The following SLC22A25 variants were observed in gnomAD, a reference collection of about 807,000 sequenced individuals.
The protein encoded by SLC22A25 is MGI:2442751, MGI:2385316, MGI:3042283, MGI:3645714, MGI:3605624, MGI:2442750.
SLC22A25 carries 44 observed loss-of-function variants against 45.9 expected under a neutral mutation model. The ratio of observed to expected loss-of-function variants is 0.96; its 90% CI spans 0.75 to 1.23. The LOEUF (loss-of-function observed/expected upper bound fraction) is 1.23, where lower values mean the gene tolerates loss of function less well. Ranked by LOEUF, SLC22A25 falls within the 50% of genes most tolerant of loss-of-function variation. SLC22A25 has a pLI of 0.00. For missense variants in SLC22A25, 800 were observed against 666.4 expected, an observed-to-expected ratio of 1.20 and a Z score of -2.21; for synonymous variants, 283 against 238.6, an observed-to-expected ratio of 1.19 and a Z score of -1.72.
intron 7 of SLC22A25, among the ~76,000 whole-genome samples, chr11:63,189,827 AT>A (rs1803042269): frequency 6.6e-6 from 1 of 152,222 alleles, no homozygotes. Context: ...TGGATATGAA[AT>A]TCTGGGTTGA....
At chr11:63,228,871 T>G (rs1231699925) in intron 4 of SLC22A25, among the ~76,000 whole-genome samples, 2 of 152,226 alleles carry the variant, frequency 1.3e-5, no homozygotes, top group Non-Finnish European at 2.9e-5. Flanking sequence ...ACCCCTAGAC[T>G]TTCTCATATG....
At chr11:63,190,856 A>T (rs907545804) in intron 7 of SLC22A25, among the ~76,000 whole-genome samples, 7 of 152,206 alleles carry the variant, frequency 4.6e-5, no homozygotes, top group Non-Finnish European at 1.0e-4. Flanking sequence ...AGGCTGCAGA[A>T]CAGCGGATAT....
chr11:63,211,416 T>C (rs754637126), intron 7 of SLC22A25, among the ~76,000 whole-genome samples: 1 of 152,128 alleles, frequency 6.6e-6, no homozygotes, highest in Non-Finnish European at 1.5e-5. Context: ...TACACAATGT[T>C]GGGACAGATT....
chr11:63,163,702 C>G lies in SLC22A25; in HGVS notation c.*122G>C. Reference sequence around the variant, plus strand: ...GTGAGGCTCAGGGGATGTATGAGGTCACTGTGGAAGGGATGAGGATACACC... The same window carrying G: ...GTGAGGCTCAGGGGATGTATGAGGTGACTGTGGAAGGGATGAGGATACACC... On this transcript the variant is annotated 3_prime_UTR_variant, in exon 12 of 12. Coordinates refer to ENST00000306494, the MANE Select transcript of SLC22A25 (RefSeq NM_199352.6). 1 of 1,321,562 alleles carries G rather than the reference C, an allele frequency of 7.6e-7. No individual in the cohort carries two copies. The highest frequency in any genetic ancestry group is 1.0e-6 in the Non-Finnish European group (1 of 974,414). 81.9% of individuals were successfully genotyped at this position (1,321,562 alleles called of 1,614,324 possible).
chr11:63,171,176 C>T (rs574262282), intron 9 of SLC22A25, among the ~76,000 whole-genome samples: 3 of 152,238 alleles, frequency 2.0e-5, no homozygotes, highest in Non-Finnish European at 4.4e-5. Flanking sequence ...ATAATAAGAG[C>T]TATTTATGAC....
At chr11:63,242,367 A>G (rs2090263432) in intron 1 of SLC22A25, among the ~76,000 whole-genome samples, 1 of 152,194 alleles carries the variant, frequency 6.6e-6, no homozygotes, top group African/African-American at 2.4e-5. Flanking sequence ...GTCTTTATCA[A>G]GGGGCACTCG....
chr11:63,194,413 G>A (rs1042723695), intron 7 of SLC22A25, among the ~76,000 whole-genome samples: 4 of 149,782 alleles, frequency 2.7e-5, no homozygotes, highest in Admixed American at 1.3e-4. Context: ...ACAGAGAAAG[G>A]TCGGGTAAAG....
rs575934948 is a variant in SLC22A25 at position 63,188,482 on chromosome 11, T to G, written c.831-4665A>C. Among the ~76,000 whole-genome samples, 5 of 152,328 alleles carry G rather than the reference T, an allele frequency of 3.3e-5. No homozygotes were observed. The East Asian group carries it at 9.6e-4, about 29-fold the overall frequency. On this transcript the variant is annotated intron_variant, in intron 7 of 11. Coordinates refer to ENST00000306494, the MANE Select transcript of SLC22A25 (RefSeq NM_199352.6). ...TAGCGGTCTATCTATTTTGTTGCTC[T>G]TTTCAAAAAACCAGCTCCTGGATTC... is the stretch of plus-strand genomic sequence containing the variant.
In SLC22A25 at chr11:63,158,764, T is replaced by A. The variant is rs933011680; in HGVS notation, c.*5060A>T. On this transcript the variant is annotated 3_prime_UTR_variant, in exon 12 of 12. Coordinates refer to ENST00000306494, the MANE Select transcript of SLC22A25 (RefSeq NM_199352.6). ...TTTGTGATTACAAACAATCCAATTA[T>A]ACTTTTTTAGTTATTTAAAAATGAA... is the stretch of plus-strand genomic sequence containing the variant. Among the ~76,000 whole-genome samples the A allele has an allele frequency of 9.6e-4, 147 of 152,356 alleles. No homozygotes were observed. The highest frequency in any genetic ancestry group is 3.3e-3 in the African/African-American group (139 of 41,588).
chr11:63,234,693 G>T (rs1301289847), intron 3 of SLC22A25, among the ~76,000 whole-genome samples: 1 of 152,110 alleles, frequency 6.6e-6, no homozygotes, highest in Non-Finnish European at 1.5e-5. Flanking sequence ...ATGTTAGCTG[G>T]TTATTTTGCT....
At chr11:63,223,959 T>C (rs2134828950) in intron 5 of SLC22A25, among the ~76,000 whole-genome samples, 1 of 152,204 alleles carries the variant, frequency 6.6e-6, no homozygotes, top group South Asian at 2.1e-4. Context: ...TATTCCAGTG[T>C]GGTCAGAGAA....
chr11:63,167,023 C>T (rs1206322991), intron 9 of SLC22A25: 4 of 223,436 alleles, frequency 1.8e-5, no homozygotes, highest in Non-Finnish European at 3.0e-5. Context: ...GGGTGCAGCC[C>T]ACGGAGGGTA....
rs1234202082 is a variant in SLC22A25, at chr11:63,187,351, G to T, written c.831-3534C>A. Among the ~76,000 whole-genome samples, 7 of 152,148 alleles carry T rather than the reference G, an allele frequency of 4.6e-5. No homozygotes were observed. The East Asian group carries it at 1.3e-3, about 29-fold the overall frequency. Reference sequence around the variant, plus strand: ...TCATGATTTGGCTCTCTGTTTGTCTGTTATTGGTGTATAAGAATGCTTGTG... The same window carrying T: ...TCATGATTTGGCTCTCTGTTTGTCTTTTATTGGTGTATAAGAATGCTTGTG... On this transcript the variant is annotated intron_variant, in intron 7 of 11. Coordinates refer to ENST00000306494, the MANE Select transcript of SLC22A25 (RefSeq NM_199352.6).
intron 1 of SLC22A25, among the ~76,000 whole-genome samples, chr11:63,241,775 C>A (rs987365913): frequency 7.2e-5 from 11 of 152,072 alleles, no homozygotes; most frequent in African/African-American, 2.7e-4. Context: ...CAACAGACAC[C>A]CAAGCACCTG....
chr11:63,183,700 G>A lies in SLC22A25; in HGVS notation c.948C>T (p.Thr316=). Residue 316 remains threonine, a synonymous_variant, in exon 8 of 12, where the codon ACC becomes ACT. Coordinates refer to ENST00000306494, the MANE Select transcript of SLC22A25 (RefSeq NM_199352.6). ...NGMKNAEDIL[T]MEVLKSTMKQ... ...CAGCTCCCGTCTTGCTTACCTCCAT[G>A]GTTAGGATGTCTTCAGCATTCTTCA... The A allele has an allele frequency of 6.2e-7, 1 of 1,612,752 alleles. No homozygotes were observed. The highest frequency in any genetic ancestry group is 8.5e-7 in the Non-Finnish European group (1 of 1,179,134).
chr11:63,229,143 T>G, intron 4 of SLC22A25, 108 bp downstream of exon 4: 1 of 1,164,110 alleles, frequency 8.6e-7, no homozygotes, highest in Non-Finnish European at 1.2e-6. Context: ...CCTGAAAGAA[T>G]GAAGAATAAG....
intron 11 of SLC22A25, among the ~76,000 whole-genome samples, chr11:63,164,298 C>A (rs1029078148): frequency 3.9e-5 from 6 of 152,172 alleles, no homozygotes; most frequent in African/African-American, 1.2e-4. Flanking sequence ...TAACATCAAC[C>A]TTTCAGGTGG....
At chr11:63,167,852 A>T (rs1208816529) in intron 9 of SLC22A25, 2 of 248,086 alleles carry the variant, frequency 8.1e-6, no homozygotes, top group Non-Finnish European at 1.6e-5. Context: ...GGTCACTAAC[A>T]CCTGTGCCTC....
In SLC22A25 at chr11:63,229,148, A is replaced by C. The variant is rs546015236; in HGVS notation, c.402+103T>G. ...ATTAATGTTTCCTGAAAGAATGAAG[A>C]ATAAGCACCTACATGTGACTAAAGG... On this transcript the variant is annotated intron_variant, in intron 4 of 11. Transcript: ENST00000306494. The C allele has an allele frequency of 1.1e-5, 13 of 1,212,336 alleles. No homozygotes were observed. The African/African-American group carries it at 1.8e-4, about 17-fold the overall frequency. The allele number at this position is 1,212,336 out of a possible 1,614,324, so 75.1% of individuals were successfully genotyped here. A position where few individuals can be genotyped will look rare whatever the true frequency, so the allele number is the denominator to read the frequency against.
Sources: allele counts gnomAD v4.1 joint callset (sites outside exome capture counted in the v4.1 genomes callset), GRCh38; gene constraint gnomAD v4.1.1; transcripts MANE v1.5; gene names NCBI Gene and HGNC (gene_info 2026-07-23, HGNC 2026-07-21).